Variants in SYTL2 observed in about 807,000 individuals in gnomAD.
SYTL2 encodes synaptotagmin like 2.
In SYTL2, 165 loss-of-function variants were observed where a neutral mutation model predicts 198.7. The ratio of observed to expected loss-of-function variants is 0.83; its 90% CI spans 0.73 to 0.94. The LOEUF is 0.94. Among genes scored for constraint, SYTL2 ranks in the 40% least tolerant of loss-of-function variants. SYTL2 has a pLI of 0.00. For missense variants in SYTL2, 2,835 were observed against 2,582.8 expected (o/e 1.10, Z -2.12); for synonymous variants, 966 against 917.7 (o/e 1.05, Z -0.95).
intron 1 of SYTL2, among the ~76,000 whole-genome samples, chr11:85,803,863 T>G (rs1352621398): frequency 1.3e-5 from 2 of 152,204 alleles, no homozygotes; most frequent in South Asian, 4.1e-4. Context: ...AGAGTAGTCC[T>G]GCCAATTAGA....
intron 1 of SYTL2, among the ~76,000 whole-genome samples, chr11:85,765,106 G>A (rs2092205254): frequency 2.0e-5 from 3 of 152,290 alleles, no homozygotes; most frequent in South Asian, 2.1e-4. Context: ...GGAAAGAATT[G>A]TCTTGTGACT....
chr11:85,704,461 G>A (rs191038655), intron 16 of SYTL2, among the ~76,000 whole-genome samples: 52 of 152,196 alleles, frequency 3.4e-4, no homozygotes, highest in Admixed American at 3.3e-3. Context: ...AGTACACACA[G>A]ACATAAAACC....
the SYTL2 span, among the ~76,000 whole-genome samples, chr11:85,836,717 T>C: frequency 6.6e-6 from 1 of 152,084 alleles, no homozygotes; most frequent in Admixed American, 6.6e-5. Flanking sequence ...TTCTAGCTAA[T>C]AAATATGAAA....
At chr11:85,706,398 A>G (rs1250726334) in intron 15 of SYTL2, among the ~76,000 whole-genome samples, 1 of 152,248 alleles carries the variant, frequency 6.6e-6, no homozygotes, top group East Asian at 1.9e-4. Flanking sequence ...GGAAGACAAT[A>G]AAACCACTAG....
At chr11:85,764,578 T>C (rs2092189117) in intron 1 of SYTL2, among the ~76,000 whole-genome samples, 1 of 152,252 alleles carries the variant, frequency 6.6e-6, no homozygotes, top group African/African-American at 2.4e-5. Flanking sequence ...CCAAGTTTCC[T>C]GATTCCTAGA....
upstream of SYTL2, among the ~76,000 whole-genome samples, chr11:85,815,740 T>C (rs1349372649): frequency 2.6e-5 from 4 of 152,234 alleles, no homozygotes; most frequent in Non-Finnish European, 4.4e-5. Flanking sequence ...ACGGATCTAC[T>C]ACACCAGAGG....
rs751880910 is a variant in SYTL2 at position 85,707,442 on chromosome 11, T to C, written c.6005A>G (p.Asn2002Ser). The change falls in exon 15 of 20, where the codon AAC becomes AGC. Residue 2002 changes from asparagine (N) to serine (S), a missense_variant. Around this residue, in one of 3 missense-constraint regions of SYTL2, gnomAD observed 2,645 missense variants for 2,381.7 expected, o/e 1.11. Coordinates refer to ENST00000359152, the MANE Select transcript of SYTL2 (RefSeq NM_206927.4). Reference sequence around the variant, plus strand: ...GTTCATAGATACCCGCAGTATTTCGTTATACACAGGATTCAAGGTTTTCTT... The same window carrying C: ...GTTCATAGATACCCGCAGTATTTCGCTATACACAGGATTCAAGGTTTTCTT... ...VVKKTLNPVY[N>S]EILRYKIEKQ... is the part of the protein sequence containing the mutation. 1.9e-6 allele frequency: 3 copies of C among 1,613,364 alleles called. No homozygotes were observed. Among genetic ancestry groups the C allele is most frequent in the Non-Finnish European group, 2.5e-6 (3 of 1,179,512 alleles).
intron 6 of SYTL2, 102 bp downstream of exon 6, chr11:85,736,399 A>T (rs2090338357): frequency 1.6e-6 from 1 of 641,150 alleles, no homozygotes; most frequent in Non-Finnish European, 2.6e-6. Context: ...AGGACTTTTC[A>T]CTTTCTCTTG....
intron 1 of SYTL2, among the ~76,000 whole-genome samples, chr11:85,804,249 C>T (rs573782935): frequency 6.6e-6 from 1 of 152,294 alleles, no homozygotes; most frequent in South Asian, 2.1e-4. Flanking sequence ...AAGGGTTATC[C>T]TGTGTAGTCA....
intron 1 of SYTL2, among the ~76,000 whole-genome samples, chr11:85,774,869 A>T (rs923201722): frequency 5.9e-5 from 9 of 152,196 alleles, no homozygotes; most frequent in African/African-American, 1.9e-4. Flanking sequence ...GAGCAGTTGA[A>T]GATCTGGGTT....
At chr11:85,844,155 G>A in the SYTL2 span, among the ~76,000 whole-genome samples, 25 of 152,274 alleles carry the variant, frequency 1.6e-4, no homozygotes, top group East Asian at 3.9e-4. Context: ...TGACTCTATC[G>A]TGTAAGCCCT....
At chr11:85,829,276 T>C in the SYTL2 span, among the ~76,000 whole-genome samples, 1 of 152,140 alleles carries the variant, frequency 6.6e-6, no homozygotes, top group East Asian at 1.9e-4. Flanking sequence ...TTCCCATCTT[T>C]ATGTTTATGT....
At chr11:85,847,024 G>A in the SYTL2 span, among the ~76,000 whole-genome samples, 23,963 of 152,020 alleles carry the variant, frequency 0.16, 2,085 homozygotes, top group Middle Eastern at 0.2. Context: ...ATGAGCCACC[G>A]TGCCCAGCCT....
At chr11:85,826,779 T>A in the SYTL2 span, among the ~76,000 whole-genome samples, 358 of 152,342 alleles carry the variant, frequency 2.3e-3, 6 homozygotes, top group African/African-American at 8.4e-3. Context: ...CGGCAGGGAC[T>A]CAGCATCACA....
At chr11:85,843,975 TC>T in the SYTL2 span, among the ~76,000 whole-genome samples, 2 of 152,184 alleles carry the variant, frequency 1.3e-5, no homozygotes, top group Non-Finnish European at 2.9e-5. Flanking sequence ...AGAAAGTATA[TC>T]TCTCAGTCTC....
At chr11:85,714,086 T>C (rs1425596734) in intron 12 of SYTL2, among the ~76,000 whole-genome samples, 1 of 152,248 alleles carries the variant, frequency 6.6e-6, no homozygotes, top group African/African-American at 2.4e-5. Context: ...TTTTCACAAA[T>C]CAAGTCTACT....
chr11:85,704,910 T>A lies in SYTL2; in HGVS notation c.6137A>T (p.Asp2046Val). 1.2e-6 allele frequency: 2 copies of A among 1,613,790 alleles called. No individual in the cohort carries two copies. The highest frequency in any genetic ancestry group is 2.7e-5 in the African/African-American group (2 of 75,024). Reference sequence around the variant, plus strand: ...TTGTTTATTCTGTTTGTTATCCCAGTCCCATGTTTCCAAATCAAGTTCCAC... The same window carrying A: ...TTGTTTATTCTGTTTGTTATCCCAGACCCATGTTTCCAAATCAAGTTCCAC... ...GEVELDLETWDWDNKQNKQLR... is the reference protein window; with the variant it reads ...GEVELDLETWVWDNKQNKQLR... The change falls in exon 16 of 20, where the codon GAC becomes GTC. Residue 2046 changes from aspartate to valine, a missense_variant. By Grantham distance (152) the Asp-to-Val change is radical (BLOSUM62 -3). This residue lies in a region of SYTL2 where 2,645 missense variants were observed against 2,381.7 expected (regional missense o/e 1.11). Coordinates refer to ENST00000359152, the MANE Select transcript of SYTL2 (RefSeq NM_206927.4).
chr11:85,795,488 A>G (rs2092790635), intron 1 of SYTL2, among the ~76,000 whole-genome samples: 1 of 152,196 alleles, frequency 6.6e-6, no homozygotes, highest in Non-Finnish European at 1.5e-5. Context: ...CAGGCAGTGT[A>G]CCAAAAATTT....
At chr11:85,746,118 C>A (rs2091139836) in intron 3 of SYTL2, among the ~76,000 whole-genome samples, 4 of 152,166 alleles carry the variant, frequency 2.6e-5, no homozygotes, top group African/African-American at 9.7e-5. Context: ...ATGCTCAGGG[C>A]AGGAAGTCCT....
Sources: allele counts gnomAD v4.1 joint callset (sites outside exome capture counted in the v4.1 genomes callset), GRCh38; gene constraint gnomAD v4.1.1; regional missense constraint gnomAD v4.1.1; transcripts MANE v1.5; gene names NCBI Gene and HGNC (gene_info 2026-07-23, HGNC 2026-07-21).